DDAH1: variants seen among roughly 807,000 people sequenced by gnomAD.
DDAH1 encodes N(G),N(G)-dimethylarginine dimethylaminohydrolase 1.
Under a neutral mutation model 28.8 loss-of-function variants are expected in DDAH1, and 19 were observed. The ratio of observed to expected loss-of-function variants is 0.66; its 90% CI spans 0.46 to 0.97. DDAH1 has a LOEUF of 0.97. DDAH1 is among the 50% of genes least tolerant of loss of function. The probability of loss-of-function intolerance (pLI) is 0.00; values close to 1 mark genes in which losing one functional copy is unlikely to be tolerated. For synonymous variants in DDAH1, 153 were observed against 154.4 expected, an observed-to-expected ratio of 0.99 and a Z score of 0.07; for missense variants, 326 against 375.9, an observed-to-expected ratio of 0.87 and a Z score of 1.10.
At chr1:85,486,567 A>T (rs1314015376) in intron 2 of DDAH1, among the ~76,000 whole-genome samples, 1 of 152,208 alleles carries the variant, frequency 6.6e-6, no homozygotes, top group Non-Finnish European at 1.5e-5. Context: ...ATATTTATTC[A>T]GTCATTCAGC....
intron 4 of DDAH1, among the ~76,000 whole-genome samples, chr1:85,327,774 T>C (rs1009915670): frequency 6.6e-6 from 1 of 151,968 alleles, no homozygotes; most frequent in African/African-American, 2.4e-5. Flanking sequence ...GAAGATTATT[T>C]AAAAAAAACC....
chr1:85,514,000 TG>T (rs1329091686), intron 1 of DDAH1, among the ~76,000 whole-genome samples: 1 of 152,220 alleles, frequency 6.6e-6, no homozygotes, highest in Non-Finnish European at 1.5e-5. Flanking sequence ...ATCCCATTGC[TG>T]GGTATATACC....
intron 1 of DDAH1, among the ~76,000 whole-genome samples, chr1:85,443,925 G>A (rs193088881): frequency 3.0e-3 from 451 of 152,254 alleles, no homozygotes; most frequent in East Asian, 0.012. Context: ...CTGAGACGAC[G>A]GGGTTTTCTA....
chr1:85,376,156 T>G (rs1650655283), intron 1 of DDAH1, among the ~76,000 whole-genome samples: 2 of 152,212 alleles, frequency 1.3e-5, no homozygotes, highest in African/African-American at 4.8e-5. Flanking sequence ...GTACAATGGA[T>G]TAAATGCTTT....
intron 1 of DDAH1, among the ~76,000 whole-genome samples, chr1:85,375,383 C>T (rs900947513): frequency 6.6e-6 from 1 of 152,088 alleles, no homozygotes; most frequent in African/African-American, 2.4e-5. Flanking sequence ...CTAGATGAGG[C>T]TGCCAGCTCC....
At chr1:85,490,095 G>T (rs1656338084) in intron 2 of DDAH1, among the ~76,000 whole-genome samples, 1 of 151,896 alleles carries the variant, frequency 6.6e-6, no homozygotes, top group African/African-American at 2.4e-5. Context: ...AGAAGATGAA[G>T]GAATGAATGA....
At chr1:85,349,571 G>C (rs751643799) in intron 4 of DDAH1, among the ~76,000 whole-genome samples, 1 of 152,204 alleles carries the variant, frequency 6.6e-6, no homozygotes, top group Non-Finnish European at 1.5e-5. Flanking sequence ...ACTATGACCT[G>C]GGGTGAGTCA....
At chr1:85,426,999 C>A (rs1653433294) in intron 1 of DDAH1, among the ~76,000 whole-genome samples, 1 of 149,682 alleles carries the variant, frequency 6.7e-6, no homozygotes, top group African/African-American at 2.5e-5. Flanking sequence ...AACTTCTAAA[C>A]CTCATTATCT....
intron 1 of DDAH1, among the ~76,000 whole-genome samples, chr1:85,426,751 G>A (rs1653411097): frequency 6.6e-6 from 1 of 151,206 alleles, no homozygotes; most frequent in Non-Finnish European, 1.5e-5. Context: ...TCTACAGAAA[G>A]TTTTAAAAAA....
rs542523118 is a variant in DDAH1, at chr1:85,322,594, CCTA to C, written c.742-1029_742-1027del. Among the ~76,000 whole-genome samples, 75 of 152,196 alleles carry C rather than the reference CCTA, an allele frequency of 4.9e-4. 1 individual carries two copies. In the South Asian group the frequency reaches 0.014, roughly 29 times the overall value. On this transcript the variant is annotated intron_variant, in intron 5 of 5. Transcript: ENST00000284031. ...AGGGTCCCAAACCCAGTTCTGTCAA[CCTA>C]CTACTTAAAGAATTATTTCAGTGAA... is the stretch of plus-strand genomic sequence containing the variant.
intron 1 of DDAH1, among the ~76,000 whole-genome samples, chr1:85,450,707 T>C (rs543924798): frequency 2.0e-5 from 3 of 152,126 alleles, no homozygotes; most frequent in Non-Finnish European, 4.4e-5. Flanking sequence ...AACTTTTGAG[T>C]TGCCTGAGAT....
At chr1:85,349,566 G>A (rs1649072820) in intron 4 of DDAH1, among the ~76,000 whole-genome samples, 1 of 152,224 alleles carries the variant, frequency 6.6e-6, no homozygotes, top group South Asian at 2.1e-4. Flanking sequence ...TTAGCACTAT[G>A]ACCTGGGGTG....
chr1:85,427,192 C>T lies in DDAH1; in HGVS notation c.303+37551G>A, dbSNP rs75974764. 3.1e-3 allele frequency among the ~76,000 whole-genome samples: 462 copies of T among 150,718 alleles called. 20 individuals are homozygous for T. The East Asian group carries it at 0.071, about 23-fold the overall frequency. On this transcript the variant is annotated intron_variant, in intron 1 of 5. Transcript: ENST00000284031. ...TACAGGTCTCTGATTCTCATTTAAA[C>T]GCTACTAAGTTCCACAATGTGTTAA...
chr1:85,380,828 T>A (rs1650944259), intron 1 of DDAH1, among the ~76,000 whole-genome samples: 1 of 152,206 alleles, frequency 6.6e-6, no homozygotes, highest in Non-Finnish European at 1.5e-5. Flanking sequence ...TAGACTTATG[T>A]GTGTGTGTTA....
chr1:85,352,485 A>G (rs1649272656), intron 2 of DDAH1, among the ~76,000 whole-genome samples: 1 of 152,188 alleles, frequency 6.6e-6, no homozygotes, highest in Non-Finnish European at 1.5e-5. Context: ...AAAGTGCTCA[A>G]TGAGCCCACC....
chr1:85,419,117 C>T (rs1280257739), intron 1 of DDAH1, among the ~76,000 whole-genome samples: 2 of 152,054 alleles, frequency 1.3e-5, no homozygotes, highest in African/African-American at 2.4e-5. Flanking sequence ...GATTGCTTTT[C>T]CTAGGAAAAA....
chr1:85,550,030 AGT>A (rs1658738799), intron 1 of DDAH1, among the ~76,000 whole-genome samples: 1 of 152,180 alleles, frequency 6.6e-6, no homozygotes, highest in Admixed American at 6.5e-5. Flanking sequence ...ATGTAGCTAC[AGT>A]GTCATAAAAT....
At chr1:85,344,449 C>T (rs959446380) in intron 4 of DDAH1, among the ~76,000 whole-genome samples, 3 of 152,166 alleles carry the variant, frequency 2.0e-5, no homozygotes, top group Non-Finnish European at 4.4e-5. Flanking sequence ...GTCCTGTAGC[C>T]GGTCAGTGCT....
chr1:85,564,861 C>CGA lies in DDAH1; in HGVS notation c.-123+13122_-123+13123insTC, dbSNP rs1553149248. Among the ~76,000 whole-genome samples, 374 of 127,906 alleles carry CGA rather than the reference C, an allele frequency of 2.9e-3. 1 individual carries two copies. Among genetic ancestry groups the CGA allele is most frequent in the African/African-American group, 0.01 (354 of 34,718 alleles). 83.9% of individuals were successfully genotyped at this position (127,906 alleles called of 152,430 possible). A position where few individuals can be genotyped will look rare whatever the true frequency, so the allele number is the denominator to read the frequency against. ...CCTGGGCAACAGAGCAAGACTATGT[C>CGA]AAAAAAAAAAAAAGGAGAAATTCTT... On this transcript the variant is annotated intron_variant, in intron 1 of 6. Coordinates refer to the DDAH1 transcript ENST00000426972.
Sources: allele counts gnomAD v4.1 joint callset (sites outside exome capture counted in the v4.1 genomes callset), GRCh38; gene constraint gnomAD v4.1.1; transcripts MANE v1.5; gene names NCBI Gene and HGNC (gene_info 2026-07-23, HGNC 2026-07-21).